The following MAP4K4 variants were observed in gnomAD, a reference collection of about 807,000 sequenced individuals.
MAP4K4 encodes the protein mitogen-activated protein kinase kinase kinase kinase 4.
In MAP4K4, 38 loss-of-function variants were observed where a neutral mutation model predicts 189.6. The observed-to-expected ratio is 0.20, with a 90% CI of 0.15 to 0.26. MAP4K4 has a LOEUF of 0.26. Among genes scored for constraint, MAP4K4 ranks in the 10% least tolerant of loss-of-function variants. MAP4K4 has a pLI of 1.00. For synonymous variants in MAP4K4, 610 were observed against 624.3 expected (o/e 0.98, Z 0.34); for missense variants, 1,054 against 1,726.9 (o/e 0.61, Z 6.91).
chr2:101,866,268 A>G (rs945834614), intron 18 of MAP4K4, among the ~76,000 whole-genome samples, 160 bp from the exon 19 acceptor site: 1 of 152,146 alleles, frequency 6.6e-6, no homozygotes, highest in Non-Finnish European at 1.5e-5. Flanking sequence ...CAATGTCATT[A>G]TATCTTTTGG....
At chr2:101,786,045 C>T (rs917600754) in intron 2 of MAP4K4, among the ~76,000 whole-genome samples, 1 of 152,010 alleles carries the variant, frequency 6.6e-6, no homozygotes, top group South Asian at 2.1e-4. Flanking sequence ...AGGCTGGTTT[C>T]GAACTCCTGA....
intron 2 of MAP4K4, among the ~76,000 whole-genome samples, chr2:101,780,259 CA>C (rs1415793225): frequency 6.6e-6 from 1 of 152,176 alleles, no homozygotes; most frequent in Non-Finnish European, 1.5e-5. Flanking sequence ...GAATCCCTTT[CA>C]TCCCTTAATC....
intron 12 of MAP4K4, among the ~76,000 whole-genome samples, chr2:101,848,033 G>C (rs1017769628): frequency 1.3e-5 from 2 of 152,146 alleles, no homozygotes; most frequent in African/African-American, 2.4e-5. Context: ...TGTAGCCTAG[G>C]AGCAATAGGC....
Position 101,859,950 on chromosome 2 carries a change from G to A in MAP4K4, c.1704+86G>A, listed in dbSNP as rs149748280. 101 of 1,304,122 alleles carry A rather than the reference G, an allele frequency of 7.7e-5. No homozygotes were observed. In the African/African-American group the frequency reaches 1.2e-3, roughly 15 times the overall value. 80.8% of individuals were successfully genotyped at this position (1,304,122 alleles called of 1,614,324 possible). Reference sequence around the variant, plus strand: ...AACTGTGTCATATGAGTTCTAGAACGGGCCATAGAGTTTAGCTAATTATCT... The same window carrying A: ...AACTGTGTCATATGAGTTCTAGAACAGGCCATAGAGTTTAGCTAATTATCT... On this transcript the variant is annotated intron_variant, in intron 15 of 32. Coordinates refer to ENST00000324219, the Ensembl canonical transcript of MAP4K4.
intron 28 of MAP4K4, among the ~76,000 whole-genome samples, chr2:101,883,644 T>C (rs2098440895): frequency 6.6e-6 from 1 of 152,252 alleles, no homozygotes; most frequent in Admixed American, 6.5e-5. Context: ...GAAGTTTTTC[T>C]ATATACCTAA....
At position 101,871,506 on chromosome 2, in the gene MAP4K4, C is replaced by T; in HGVS notation, c.2773C>T (p.Gln925Ter). 6.5e-7 allele frequency: 1 copy of T among 1,534,644 alleles called. No homozygotes were observed. The highest frequency in any genetic ancestry group is 8.7e-7 in the Non-Finnish European group (1 of 1,146,044). ...GTTTTTTCTACAGAGTACAGTTGACCAAAAGCGTGCCAGCCATCATGAGAG... is the reference window on the plus strand; with the variant it reads ...GTTTTTTCTACAGAGTACAGTTGACTAAAAGCGTGCCAGCCATCATGAGAG... The change falls in exon 24 of 33, where the codon CAA becomes TAA. Residue 925 changes from glutamine to a stop codon, truncating the protein, a stop_gained. Coordinates refer to ENST00000324219, the Ensembl canonical transcript of MAP4K4. LOFTEE classifies it high-confidence loss of function.
intron 2 of MAP4K4, among the ~76,000 whole-genome samples, chr2:101,779,353 C>T (rs1011799648): frequency 6.6e-6 from 1 of 152,178 alleles, no homozygotes; most frequent in African/African-American, 2.4e-5. Context: ...AGAGCACTGA[C>T]TTTATCAACT....
At chr2:101,867,443 C>T (rs2097849466) in intron 20 of MAP4K4, 134 bp downstream of exon 20, 1 of 646,826 alleles carries the variant, frequency 1.5e-6, no homozygotes, top group African/African-American at 1.8e-5. Context: ...TAAGGAATGA[C>T]CTAAACCCCA....
chr2:101,848,183 G>A (rs146307691), intron 12 of MAP4K4, among the ~76,000 whole-genome samples: 1 of 152,192 alleles, frequency 6.6e-6, no homozygotes, highest in African/African-American at 2.4e-5. Context: ...ACACATGACT[G>A]TACTTTATAT....
chr2:101,882,355 A>G (rs2098412779), intron 27 of MAP4K4, among the ~76,000 whole-genome samples, 196 bp from the exon 28 acceptor site: 1 of 152,170 alleles, frequency 6.6e-6, no homozygotes, highest in Non-Finnish European at 1.5e-5. Context: ...TTTGATTTAT[A>G]GGAGTTTTTT....
intron 5 of MAP4K4, among the ~76,000 whole-genome samples, chr2:101,826,164 A>T (rs924616061): frequency 3.3e-5 from 5 of 151,490 alleles, no homozygotes; most frequent in South Asian, 2.1e-4. Flanking sequence ...TACCACATTT[A>T]AAAAAAAAGA....
At chr2:101,874,702 T>G (rs1460914583) in intron 26 of MAP4K4, among the ~76,000 whole-genome samples, 1 of 152,236 alleles carries the variant, frequency 6.6e-6, no homozygotes, top group African/African-American at 2.4e-5. Context: ...TGCAACCCAG[T>G]GTTTTTCATT....
chr2:101,817,977 G>A (rs922004938), intron 3 of MAP4K4, among the ~76,000 whole-genome samples: 2 of 152,094 alleles, frequency 1.3e-5, no homozygotes, highest in Non-Finnish European at 2.9e-5. Context: ...AATCTTTCCT[G>A]TGTAGTTATA....
intron 6 of MAP4K4, 151 bp downstream of exon 6, chr2:101,829,745 T>C: frequency 1.7e-6 from 1 of 593,326 alleles, no homozygotes; most frequent in East Asian, 3.0e-5. Context: ...AGCATATTAC[T>C]TAGCTTGGCT....
intron 2 of MAP4K4, among the ~76,000 whole-genome samples, chr2:101,735,887 A>G (rs1441599173): frequency 1.3e-5 from 2 of 152,148 alleles, no homozygotes; most frequent in Non-Finnish European, 2.9e-5. Flanking sequence ...ATGGCTTTGA[A>G]TGGTTGCTGA....
At chr2:101,843,399 G>A (rs1451545710) in intron 11 of MAP4K4, among the ~76,000 whole-genome samples, 2 of 152,168 alleles carry the variant, frequency 1.3e-5, no homozygotes, top group Non-Finnish European at 2.9e-5. Flanking sequence ...TTCTTATGTA[G>A]GAGAGATTTT....
At chr2:101,775,019 G>T (rs2083310169) in intron 2 of MAP4K4, among the ~76,000 whole-genome samples, 1 of 150,454 alleles carries the variant, frequency 6.6e-6, no homozygotes, top group African/African-American at 2.5e-5. Flanking sequence ...AAAAACCTAG[G>T]GTTTCCTATC....
chr2:101,805,072 CAAAAAAA>C (rs36081384), intron 3 of MAP4K4, among the ~76,000 whole-genome samples: 25 of 56,438 alleles, frequency 4.4e-4, no homozygotes, highest in Admixed American at 6.1e-4. Flanking sequence ...GACTCCAGAT[CAAAAAAA>C]AAAAAAAAAA....
chr2:101,891,641 T>A (rs1577572838), exon 33 of MAP4K4: 1 of 172,706 alleles, frequency 5.8e-6, no homozygotes, highest in Admixed American at 5.8e-5. Flanking sequence ...TTGGTTTTAT[T>A]GGCAGTGGGC....
Sources: gnomAD v4.1 joint callset for allele counts (sites outside exome capture counted in the v4.1 genomes callset) on GRCh38, gnomAD v4.1.1 for gene constraint, MANE v1.5 for transcripts, NCBI Gene and HGNC (gene_info 2026-07-23, HGNC 2026-07-21) for gene names.